Variants in LRRIQ3 observed in about 807,000 individuals in gnomAD.
The protein encoded by LRRIQ3 is leucine rich repeats and IQ motif containing 3, also known as leucine-rich repeat and IQ domain-containing protein 3.
A neutral mutation model predicts 59.3 loss-of-function variants in LRRIQ3; 75 were observed. That is an observed-to-expected ratio of 1.26 (90% CI 1.05 to 1.53). The LOEUF (loss-of-function observed/expected upper bound fraction) is 1.53. LRRIQ3 is among the 40% of genes most tolerant of loss of function. The probability of loss-of-function intolerance (pLI) is 0.00; values close to 1 mark genes in which losing one functional copy is unlikely to be tolerated. For missense variants in LRRIQ3, 831 were observed against 710.0 expected (o/e 1.17, Z -1.94); for synonymous variants, 250 against 231.3 (o/e 1.08, Z -0.73).
intron 5 of LRRIQ3, among the ~76,000 whole-genome samples, chr1:74,107,634 T>C (rs1278438706): frequency 1.3e-5 from 2 of 150,016 alleles, no homozygotes; most frequent in Non-Finnish European, 3.0e-5. Context: ...GAGAATAATA[T>C]ATCAACTAAG....
At chr1:74,186,385 T>C (rs1186863794) in intron 1 of LRRIQ3, among the ~76,000 whole-genome samples, 1 of 152,154 alleles carries the variant, frequency 6.6e-6, no homozygotes, top group African/African-American at 2.4e-5. Context: ...TCCTTACTGA[T>C]CTCAGATATA....
chr1:74,174,227 C>T (rs1196045446), intron 3 of LRRIQ3, among the ~76,000 whole-genome samples: 6 of 151,080 alleles, frequency 4.0e-5, no homozygotes, highest in African/African-American at 7.3e-5. Context: ...CTTTTCTTTT[C>T]GTCTCTCTGA....
At chr1:74,090,366 C>G (rs935862217) in intron 5 of LRRIQ3, among the ~76,000 whole-genome samples, 1 of 151,112 alleles carries the variant, frequency 6.6e-6, no homozygotes, top group African/African-American at 2.4e-5. Flanking sequence ...GATGAGAAAA[C>G]TATGAGAGAA....
At chr1:74,085,366 C>A (rs533851460) in intron 5 of LRRIQ3, among the ~76,000 whole-genome samples, 1 of 148,236 alleles carries the variant, frequency 6.7e-6, no homozygotes, top group South Asian at 2.1e-4. Context: ...CATAAAATGG[C>A]TAATATTTTT....
chr1:74,066,145 C>T (rs1654859754), intron 6 of LRRIQ3, among the ~76,000 whole-genome samples: 1 of 149,920 alleles, frequency 6.7e-6, no homozygotes, highest in Non-Finnish European at 1.5e-5. Flanking sequence ...AAGATCATGC[C>T]ATTGCACTCC....
At position 74,026,122 on chromosome 1, in the gene LRRIQ3, T is replaced by C. The variant is rs1653506729; in HGVS notation, c.*691A>G. On this transcript the variant is annotated 3_prime_UTR_variant, in exon 8 of 8. Coordinates refer to ENST00000354431, the MANE Select transcript of LRRIQ3 (RefSeq NM_001105659.2). ...ATTTCTGTATATTTTATGATTCCAATATATAATTATATGGGTTGTCTCTTG... is the reference window on the plus strand; with the variant it reads ...ATTTCTGTATATTTTATGATTCCAACATATAATTATATGGGTTGTCTCTTG... 1 of 152,004 alleles carries C rather than the reference T, an allele frequency of 6.6e-6. No individual in the cohort carries two copies. The highest frequency in any genetic ancestry group is 6.6e-5 in the Admixed American group (1 of 15,214). The allele number at this position is 152,004 out of a possible 1,614,324, so 9.4% of individuals were successfully genotyped here.
chr1:74,140,519 C>A (rs544459363), intron 4 of LRRIQ3, among the ~76,000 whole-genome samples: 1 of 151,730 alleles, frequency 6.6e-6, no homozygotes, highest in Non-Finnish European at 1.5e-5. Flanking sequence ...AACTAGTAAT[C>A]CCAAAATTAA....
intron 6 of LRRIQ3, among the ~76,000 whole-genome samples, chr1:74,050,765 G>C (rs182827741): frequency 6.6e-6 from 1 of 152,154 alleles, no homozygotes; most frequent in Non-Finnish European, 1.5e-5. Flanking sequence ...AAAATGAAAC[G>C]AATATAAGGA....
chr1:74,155,403 CA>C (rs1255882521), intron 4 of LRRIQ3, among the ~76,000 whole-genome samples: 1 of 152,058 alleles, frequency 6.6e-6, no homozygotes, highest in Non-Finnish European at 1.5e-5. Flanking sequence ...GATGTGACAG[CA>C]AAATTGTATT....
At chr1:74,038,798 C>A (rs550394920) in intron 7 of LRRIQ3, among the ~76,000 whole-genome samples, 1 of 152,126 alleles carries the variant, frequency 6.6e-6, no homozygotes, top group Non-Finnish European at 1.5e-5. Flanking sequence ...AAAAGAGTTC[C>A]CAACTAAAGC....
chr1:74,065,846 T>TAA (rs1273919692), intron 6 of LRRIQ3, among the ~76,000 whole-genome samples: 1 of 152,076 alleles, frequency 6.6e-6, no homozygotes, highest in African/African-American at 2.4e-5. Flanking sequence ...AAGTTCAGGT[T>TAA]AACGTTGAAG....
chr1:74,094,877 G>A (rs1264809164), intron 5 of LRRIQ3, among the ~76,000 whole-genome samples: 1 of 152,034 alleles, frequency 6.6e-6, no homozygotes, highest in Non-Finnish European at 1.5e-5. Flanking sequence ...TTTGGAAAAG[G>A]TACAGGCAAA....
intron 3 of LRRIQ3, among the ~76,000 whole-genome samples, chr1:74,167,126 T>C (rs1468255871): frequency 6.6e-6 from 1 of 151,868 alleles, no homozygotes; most frequent in East Asian, 1.9e-4. Flanking sequence ...AAGAAGTCAT[T>C]ATACAAAAAA....
chr1:74,163,780 T>C (rs2100684743), intron 3 of LRRIQ3, among the ~76,000 whole-genome samples: 1 of 151,700 alleles, frequency 6.6e-6, no homozygotes, highest in South Asian at 2.1e-4. Context: ...TTCTCAGTAT[T>C]GCAATTGCTG....
At chr1:74,129,266 T>G (rs183215068) in intron 4 of LRRIQ3, among the ~76,000 whole-genome samples, 7 of 152,012 alleles carry the variant, frequency 4.6e-5, no homozygotes, top group African/African-American at 1.7e-4. Context: ...GTCAGTTACT[T>G]TAGGAATCTA....
At chr1:74,105,377 A>G (rs750052965) in intron 5 of LRRIQ3, among the ~76,000 whole-genome samples, 5 of 151,404 alleles carry the variant, frequency 3.3e-5, no homozygotes, top group Non-Finnish European at 7.4e-5. Flanking sequence ...TCAGCCTCCC[A>G]AGTAGCTGGG....
chr1:74,063,359 AGAATGTGTATTCTGCTATT>A (rs1259324577), intron 6 of LRRIQ3, among the ~76,000 whole-genome samples: 1 of 152,146 alleles, frequency 6.6e-6, no homozygotes, highest in Non-Finnish European at 1.5e-5. Flanking sequence ...ACACTTGAGA[AGAATGTGTATTCTGCTATT>A]GATGAGTGGT....
intron 6 of LRRIQ3, among the ~76,000 whole-genome samples, chr1:74,043,587 G>T (rs1200408393): frequency 6.6e-6 from 1 of 152,120 alleles, no homozygotes; most frequent in African/African-American, 2.4e-5. Context: ...AGACTGAGGA[G>T]CCAAAGTGTC....
chr1:74,037,510 C>T (rs1384813913), intron 7 of LRRIQ3, among the ~76,000 whole-genome samples: 1 of 152,010 alleles, frequency 6.6e-6, no homozygotes, highest in Non-Finnish European at 1.5e-5. Context: ...TGGTGGCGGA[C>T]GCTTGTAATC....
Sources: gnomAD v4.1 joint callset for allele counts (sites outside exome capture counted in the v4.1 genomes callset) on GRCh38, gnomAD v4.1.1 for gene constraint, MANE v1.5 for transcripts, NCBI Gene and HGNC (gene_info 2026-07-23, HGNC 2026-07-21) for gene names.